CEP43: variants seen among roughly 807,000 people sequenced by gnomAD.
CEP43 encodes centrosomal protein 43.
A neutral mutation model predicts 52.6 loss-of-function variants in CEP43; 36 were observed. The observed-to-expected ratio is 0.68, with a 90% confidence interval of 0.52 to 0.90. CEP43 has a LOEUF of 0.90. Ranked by LOEUF, CEP43 falls within the 40% of genes least tolerant of loss-of-function variation. The pLI, the probability that CEP43 is intolerant of heterozygous loss-of-function variation, is 0.00. For missense variants in CEP43, 506 were observed against 472.8 expected (o/e 1.07, Z -0.65); for synonymous variants, 192 against 172.4 (o/e 1.11, Z -0.89).
chr6:167,017,929 G>C (rs1252894178), intron 7 of CEP43, among the ~76,000 whole-genome samples: 1 of 152,112 alleles, frequency 6.6e-6, no homozygotes, highest in Admixed American at 6.6e-5. Context: ...TTGTTTCCTA[G>C]GGCTAATGTA....
intron 7 of CEP43, among the ~76,000 whole-genome samples, chr6:167,018,602 G>T (rs1340243209): frequency 6.6e-6 from 1 of 152,146 alleles, no homozygotes; most frequent in African/African-American, 2.4e-5. Context: ...TGTTGGCCAG[G>T]ATGGTTTCGG....
chr6:167,013,620 A>T, intron 7 of CEP43, 53 bp downstream of exon 7: 1 of 1,440,118 alleles, frequency 6.9e-7, no homozygotes, highest in Non-Finnish European at 9.7e-7. Flanking sequence ...TCAGGTCTCG[A>T]CTCTGGGGCC....
At chr6:167,019,252 C>G (rs1171215290) in intron 7 of CEP43, among the ~76,000 whole-genome samples, 3 of 151,988 alleles carry the variant, frequency 2.0e-5, no homozygotes, top group African/African-American at 7.3e-5. Context: ...ACCTGCTGTG[C>G]ACACGCATAC....
intron 8 of CEP43, 131 bp downstream of exon 8, chr6:167,022,766 G>GT (rs1477338915): frequency 1.5e-6 from 1 of 661,808 alleles, no homozygotes; most frequent in Non-Finnish European, 2.5e-6. Context: ...ACTATGCGTT[G>GT]TTAATGCCTT....
At chr6:167,001,815 C>T (rs536398405) in intron 2 of CEP43, among the ~76,000 whole-genome samples, 3 of 152,272 alleles carry the variant, frequency 2.0e-5, no homozygotes, top group South Asian at 4.1e-4. Flanking sequence ...TTATCCCCTT[C>T]CTACTTGCCA....
intron 9 of CEP43, 135 bp from the exon 10 acceptor site, chr6:167,026,412 A>AT (rs1780356843): frequency 3.0e-6 from 2 of 656,092 alleles, no homozygotes; most frequent in East Asian, 5.4e-5. Context: ...ATCACAGTTT[A>AT]TTTTTTCCTT....
At chr6:167,016,514 G>A (rs999516231) in intron 7 of CEP43, among the ~76,000 whole-genome samples, 9 of 152,060 alleles carry the variant, frequency 5.9e-5, no homozygotes, top group Non-Finnish European at 1.3e-4. Context: ...CTCCTGCCTC[G>A]GCCTCCCAAA....
intron 5 of CEP43, among the ~76,000 whole-genome samples, chr6:167,005,166 T>C (rs1393580016): frequency 6.6e-6 from 1 of 152,222 alleles, no homozygotes; most frequent in Non-Finnish European, 1.5e-5. Flanking sequence ...TTATTTTCTT[T>C]GGTGAGTCTC....
intron 5 of CEP43, among the ~76,000 whole-genome samples, chr6:167,009,530 T>A (rs954037375): frequency 0.034 from 1,693 of 50,054 alleles, 12 homozygotes; most frequent in East Asian, 0.09. Context: ...AAAAAAAAAA[T>A]ACAAGGAATT....
At chr6:167,036,273 C>T in intron 12 of CEP43, 1 of 985,428 alleles carries the variant, frequency 1.0e-6, no homozygotes, top group Non-Finnish European at 1.2e-6. Flanking sequence ...TCCATGAGAA[C>T]AGAAGGGAGA....
chr6:167,034,642 C>T (rs999195761), intron 12 of CEP43, among the ~76,000 whole-genome samples: 3 of 152,102 alleles, frequency 2.0e-5, no homozygotes, highest in Non-Finnish European at 2.9e-5. Context: ...ATTCTCCAAG[C>T]GCTGTGATTG....
At chr6:167,034,780 T>C (rs73031587) in intron 12 of CEP43, among the ~76,000 whole-genome samples, 3,087 of 152,352 alleles carry the variant, frequency 0.02, 51 homozygotes, top group East Asian at 0.091. Flanking sequence ...AACCTTTGAC[T>C]CTCAGTTTCT....
Position 167,042,298 on chromosome 6 carries a change from C to G in CEP43, c.*2320C>G, listed in dbSNP as rs1008337130. The G allele has an allele frequency of 1.1e-5, 11 of 997,746 alleles. No individual in the cohort carries two copies. The highest frequency in any genetic ancestry group is 1.3e-5 in the Non-Finnish European group (11 of 834,044). The allele number at this position is 997,746 out of a possible 1,614,324, so 61.8% of individuals were successfully genotyped here. A position where few individuals can be genotyped will look rare whatever the true frequency, so the allele number is the denominator to read the frequency against. On this transcript the variant is annotated 3_prime_UTR_variant, in exon 13 of 13. Coordinates refer to ENST00000366847, the MANE Select transcript of CEP43 (RefSeq NM_007045.4). ...AAAAAATAAATATTGAAATATTAAC[C>G]CATTAAATACATTTTTATGGTAACC...
rs1780769423 is a variant in CEP43 at position 167,044,986 on chromosome 6, A to G, written c.*5008A>G. ...AGGAGCGTGGACAGTGGCATGCAGG[A>G]GGCCAGTCATTCTGCGGTTTTAGCT... is the stretch of plus-strand genomic sequence containing the variant. On this transcript the variant is annotated 3_prime_UTR_variant, in exon 13 of 13. Transcript: ENST00000366847. 6.6e-6 allele frequency: 1 copy of G among 152,328 alleles called. No individual in the cohort carries two copies. Among genetic ancestry groups the G allele is most frequent in the Non-Finnish European group, 1.5e-5 (1 of 68,128 alleles). The allele number at this position is 152,328 out of a possible 1,614,324, so 9.4% of individuals were successfully genotyped here.
chr6:167,022,750 A>C, intron 8 of CEP43, 115 bp downstream of exon 8: 1 of 729,702 alleles, frequency 1.4e-6, no homozygotes, highest in South Asian at 1.9e-5. Context: ...TGGATCCATA[A>C]ATCTGACTAT....
chr6:167,014,671 A>T (rs778417614), intron 7 of CEP43, among the ~76,000 whole-genome samples: 1 of 152,318 alleles, frequency 6.6e-6, no homozygotes, highest in African/African-American at 2.4e-5. Context: ...GTAAATTCCT[A>T]TTACTGTATT....
rs763132163 is a variant in CEP43 at position 167,024,820 on chromosome 6, C to G, written c.845C>G (p.Ser282Trp). 6.2e-7 allele frequency: 1 copy of G among 1,613,366 alleles called. No homozygotes were observed. The highest frequency in any genetic ancestry group is 8.5e-7 in the Non-Finnish European group (1 of 1,179,568). ...EPRKQAGSLA[S>W]LSDAPPLKSG... ...AGGAAGCAAGCAGGAAGTCTGGCCT[C>G]GCTCTCGGATGCACCCCCCTTAAAA... Residue 282 changes from serine to tryptophan, a missense_variant, in exon 9 of 13, where the codon TCG becomes TGG. Coordinates refer to ENST00000366847, the MANE Select transcript of CEP43 (RefSeq NM_007045.4).
At chr6:167,021,264 G>C (rs1780226157) in intron 7 of CEP43, among the ~76,000 whole-genome samples, 1 of 152,064 alleles carries the variant, frequency 6.6e-6, no homozygotes, top group African/African-American at 2.4e-5. Context: ...TTATAATTTA[G>C]CTTAATAGCA....
chr6:167,019,426 TC>T (rs1583280125), intron 7 of CEP43, among the ~76,000 whole-genome samples: 1 of 152,246 alleles, frequency 6.6e-6, no homozygotes, highest in East Asian at 1.9e-4. Context: ...TTTCTCCTCT[TC>T]CTGTAGATTT....
Sources: allele counts gnomAD v4.1 joint callset (sites outside exome capture counted in the v4.1 genomes callset), GRCh38; gene constraint gnomAD v4.1.1; transcripts MANE v1.5; gene names NCBI Gene and HGNC (gene_info 2026-07-23, HGNC 2026-07-21).